The following CRB1 variants were observed in gnomAD, a reference collection of about 807,000 sequenced individuals.
CRB1 encodes protein crumbs homolog 1.
Under a neutral mutation model 120.0 loss-of-function variants are expected in CRB1, and 83 were observed. The ratio of observed to expected loss-of-function variants is 0.69; its 90% confidence interval spans 0.58 to 0.83. CRB1 has a LOEUF of 0.83. Among genes scored for constraint, CRB1 ranks in the 40% least tolerant of loss-of-function variants. CRB1 has a pLI of 0.00. For synonymous variants in CRB1, 625 were observed against 612.5 expected, an observed-to-expected ratio of 1.02 and a Z score of -0.30; for missense variants, 1,699 against 1,687.6, an observed-to-expected ratio of 1.01 and a Z score of -0.12.
At chr1:197,301,630 G>T (rs1296084625) in intron 1 of CRB1, among the ~76,000 whole-genome samples, 1 of 152,150 alleles carries the variant, frequency 6.6e-6, no homozygotes, top group Non-Finnish European at 1.5e-5. Flanking sequence ...GCAGTAGGTA[G>T]CATGGTAGTC....
chr1:197,203,265 T>C, the CRB1 span, among the ~76,000 whole-genome samples: 5 of 152,244 alleles, frequency 3.3e-5, no homozygotes, highest in Admixed American at 1.3e-4. Context: ...TAATGAAAGA[T>C]TGAAAACTTC....
rs767878432 is a variant in CRB1, at chr1:197,268,385, C to T, written c.-28C>T. ...GACTGGGACCAGACCACCAGCAACA[C>T]ACCAGAGGATGTTCTCTAAATAAGA... On this transcript the variant is annotated 5_prime_UTR_variant, in exon 1 of 12. Transcript: ENST00000367400. 2.6e-6 allele frequency: 4 copies of T among 1,554,562 alleles called. No individual in the cohort carries two copies.
At chr1:197,353,992 G>GA (rs1204499892) in intron 4 of CRB1, among the ~76,000 whole-genome samples, 4 of 122,392 alleles carry the variant, frequency 3.3e-5, no homozygotes, top group East Asian at 2.3e-4. Context: ...ACAACCTAAT[G>GA]AAAAAAACAG....
rs952202866 is a variant in CRB1 at position 197,290,081 on chromosome 1, T to C, written c.70+21599T>C. On this transcript the variant is annotated intron_variant, in intron 1 of 11. Coordinates refer to ENST00000367400, the MANE Select transcript of CRB1 (RefSeq NM_201253.3). Reference sequence around the variant, plus strand: ...ACTTGTTCCTTGTTTGTTTTTCTTATGACTTATAATTTTTTATTTTGAGTC... The same window carrying C: ...ACTTGTTCCTTGTTTGTTTTTCTTACGACTTATAATTTTTTATTTTGAGTC... Among the ~76,000 whole-genome samples the C allele has an allele frequency of 1.3e-4, 19 of 151,878 alleles. 1 individual carries two copies. The highest frequency in any genetic ancestry group is 1.5e-5 in the Non-Finnish European group (1 of 67,876).
intron 3 of CRB1, among the ~76,000 whole-genome samples, chr1:197,345,997 G>T (rs867218911): frequency 6.6e-6 from 1 of 152,154 alleles, no homozygotes; most frequent in African/African-American, 2.4e-5. Context: ...TCCACACAAG[G>T]CCTCCTAGAG....
chr1:197,438,903 T>G (rs1207151061), intron 10 of CRB1: 2 of 447,034 alleles, frequency 4.5e-6, no homozygotes, highest in Non-Finnish European at 8.1e-6. Flanking sequence ...AAATGATTTT[T>G]AAAAAATGTA....
chr1:197,241,152 C>T, the CRB1 span, among the ~76,000 whole-genome samples: 8 of 152,076 alleles, frequency 5.3e-5, no homozygotes, highest in Non-Finnish European at 1.0e-4. Flanking sequence ...CTGTAGGTTG[C>T]CTGTTCACTC....
chr1:197,238,080 T>C, the CRB1 span, among the ~76,000 whole-genome samples: 1 of 152,164 alleles, frequency 6.6e-6, no homozygotes, highest in Non-Finnish European at 1.5e-5. Context: ...CTTTTAAAAA[T>C]TTTTGAGACT....
At chr1:197,313,276 C>T (rs1657656569) in intron 1 of CRB1, among the ~76,000 whole-genome samples, 1 of 152,160 alleles carries the variant, frequency 6.6e-6, no homozygotes, top group African/African-American at 2.4e-5. Flanking sequence ...CTTCCCCCAA[C>T]ACTGGGAATT....
At chr1:197,232,967 G>C in the CRB1 span, among the ~76,000 whole-genome samples, 3 of 151,878 alleles carry the variant, frequency 2.0e-5, no homozygotes, top group Non-Finnish European at 4.4e-5. Context: ...TGGTTCCAAA[G>C]ATATACTTCG....
intron 6 of CRB1, 42 bp from the exon 7 acceptor site, chr1:197,427,412 G>A (rs1459502306): frequency 1.3e-6 from 2 of 1,590,390 alleles, no homozygotes; most frequent in Non-Finnish European, 1.7e-6. Flanking sequence ...GCCTTAAGAT[G>A]TTTCTTTTTT....
intron 11 of CRB1, chr1:197,442,731 C>T (rs553362098): frequency 1.3e-5 from 4 of 297,648 alleles, no homozygotes; most frequent in South Asian, 6.1e-5. Context: ...TCTTCCCACT[C>T]CATTTCTGGG....
At chr1:197,365,794 G>C (rs998065959) in intron 5 of CRB1, among the ~76,000 whole-genome samples, 1 of 151,986 alleles carries the variant, frequency 6.6e-6, no homozygotes, top group African/African-American at 2.4e-5. Flanking sequence ...CAAACACCAG[G>C]ACGGAGGCAC....
rs139736241 is a variant in CRB1, at chr1:197,423,043, G to A, written c.2128+1087G>A. On this transcript the variant is annotated intron_variant, in intron 6 of 11. Coordinates refer to ENST00000367400, the MANE Select transcript of CRB1 (RefSeq NM_201253.3). ...CGTAATATTTTAAGTAGAATGGCAA[G>A]TTGTTTTGTGATTTTTTTTAAGGAG... is the stretch of plus-strand genomic sequence containing the variant. 3.6e-3 allele frequency among the ~76,000 whole-genome samples: 553 copies of A among 152,200 alleles called. 2 individuals are homozygous for A. Among genetic ancestry groups the A allele is most frequent in the Admixed American group, 5.5e-3 (84 of 15,292 alleles).
intron 4 of CRB1, among the ~76,000 whole-genome samples, chr1:197,352,279 C>T (rs1185470768): frequency 6.6e-6 from 1 of 152,162 alleles, no homozygotes; most frequent in Non-Finnish European, 1.5e-5. Flanking sequence ...ATAAAATCCC[C>T]ACAGGGCCTC....
intron 5 of CRB1, among the ~76,000 whole-genome samples, chr1:197,419,563 A>T (rs931616983): frequency 1.3e-5 from 2 of 152,044 alleles, no homozygotes; most frequent in Non-Finnish European, 2.9e-5. Flanking sequence ...GGATTTCACC[A>T]TGTTGGCCAG....
intron 11 of CRB1, chr1:197,442,687 T>C: frequency 1.9e-6 from 1 of 525,790 alleles, no homozygotes; most frequent in Non-Finnish European, 3.0e-6. Flanking sequence ...ATTATCATTC[T>C]CAACACTTCT....
chr1:197,260,603 A>G, the CRB1 span, among the ~76,000 whole-genome samples: 2 of 152,170 alleles, frequency 1.3e-5, no homozygotes, highest in Non-Finnish European at 2.9e-5. Context: ...ATAAACTTTA[A>G]GAGAAAATGA....
intron 11 of CRB1, among the ~76,000 whole-genome samples, chr1:197,448,235 GT>G (rs2125524529): frequency 6.6e-6 from 1 of 152,222 alleles, no homozygotes; most frequent in East Asian, 1.9e-4. Flanking sequence ...TTTTCTTCAT[GT>G]GGTTTGTTAT....
Sources: allele counts gnomAD v4.1 joint callset (sites outside exome capture counted in the v4.1 genomes callset), GRCh38; gene constraint gnomAD v4.1.1; transcripts MANE v1.5; gene names NCBI Gene and HGNC (gene_info 2026-07-23, HGNC 2026-07-21).